ABCA8: variants seen among roughly 807,000 people sequenced by gnomAD.
ABCA8 encodes ATP binding cassette subfamily A member 8.
In ABCA8, 177 loss-of-function variants were observed where a neutral mutation model predicts 192.3. The observed-to-expected ratio is 0.92, with a 90% confidence interval of 0.81 to 1.04. The LOEUF (loss-of-function observed/expected upper bound fraction) is 1.04, where lower values mean the gene tolerates loss of function less well. Ranked by LOEUF, ABCA8 falls within the 50% of genes least tolerant of loss-of-function variation. The pLI is 0.00. For synonymous variants in ABCA8, 642 were observed against 690.2 expected (o/e 0.93, Z 1.09); for missense variants, 1,915 against 1,904.8 (o/e 1.01, Z -0.10).
At position 68,896,782 on chromosome 17, in the gene ABCA8, A is replaced by G. The variant is rs145441729; in HGVS notation, c.2765-1769T>C. On this transcript the variant is annotated intron_variant, in intron 21 of 39. Transcript: ENST00000586539. ...TTAAGTGGAAAGGTGAAAGTTATTG[A>G]CTTAATAAGGAAACAATAAAAAAAT... Among the ~76,000 whole-genome samples, 345 of 152,300 alleles carry G rather than the reference A, an allele frequency of 2.3e-3. 1 individual carries two copies. Among genetic ancestry groups the G allele is most frequent in the African/African-American group, 8.1e-3 (337 of 41,564 alleles).
intron 2 of ABCA8, 82 bp downstream of exon 2, chr17:68,949,230 C>CG (rs1170738107): frequency 1.3e-5 from 2 of 152,094 alleles, no homozygotes; most frequent in Non-Finnish European, 2.9e-5. Flanking sequence ...ATACACCCTC[C>CG]TAAGACTAAA....
chr17:68,931,497 A>C (rs1008129542), intron 7 of ABCA8, among the ~76,000 whole-genome samples: 4 of 152,072 alleles, frequency 2.6e-5, no homozygotes, highest in African/African-American at 9.7e-5. Flanking sequence ...GTTTTCTCAA[A>C]GTTTTTTTAT....
chr17:68,885,373 G>A lies in ABCA8; in HGVS notation c.3430-58C>T, dbSNP rs543837806. ...TGAATTTCAATGTAAGTTCCAAATCGAGATGGCTCATCTTGAAGATATTAC... is the reference window on the plus strand; with the variant it reads ...TGAATTTCAATGTAAGTTCCAAATCAAGATGGCTCATCTTGAAGATATTAC... On this transcript the variant is annotated intron_variant, in intron 26 of 39. Transcript: ENST00000586539. 295 of 1,507,970 alleles carry A rather than the reference G, an allele frequency of 2.0e-4. 3 individuals are homozygous for A. In the South Asian group the frequency reaches 3.4e-3, roughly 18 times the overall value. The allele number at this position is 1,507,970 out of a possible 1,614,324, so 93.4% of individuals were successfully genotyped here.
intron 5 of ABCA8, among the ~76,000 whole-genome samples, chr17:68,935,012 A>G (rs891166253): frequency 6.7e-6 from 1 of 148,534 alleles, no homozygotes; most frequent in African/African-American, 2.5e-5. Context: ...TTTCCTATTT[A>G]TTCAAAGTAA....
intron 22 of ABCA8, 27 bp downstream of exon 22, chr17:68,894,852 TC>T: frequency 6.3e-7 from 1 of 1,593,574 alleles, no homozygotes; most frequent in South Asian, 1.2e-5. Context: ...TTCACATTTT[TC>T]AGAAAGATTA....
In ABCA8 at chr17:68,917,447, C is replaced by G; in HGVS notation, c.2052G>C (p.Arg684Ser). 1 of 1,605,164 alleles carries G rather than the reference C, an allele frequency of 6.2e-7. No homozygotes were observed. Among genetic ancestry groups the G allele is most frequent in the South Asian group, 1.1e-5 (1 of 89,034 alleles). The part of the protein sequence containing the change: ...FMDEADILAD[R>S]KVFLSQGKLK... ...GCTTCCCTTGGGAGAGAAATACTTTCCTGTCTGAAAAAGAAGAAGAGCAAA... is the reference window on the plus strand; with the variant it reads ...GCTTCCCTTGGGAGAGAAATACTTTGCTGTCTGAAAAAGAAGAAGAGCAAA... Residue 684 changes from arginine to serine, a missense_variant, in exon 17 of 40, where the codon AGG becomes AGC. By Grantham distance (110) the Arg-to-Ser change is moderately radical. Transcript: ENST00000586539.
Position 68,936,954 on chromosome 17 carries a change from T to C in ABCA8, c.463A>G (p.Thr155Ala). Residue 155 changes from threonine to alanine, a missense_variant, in exon 5 of 40, where the codon ACA becomes GCA. Transcript: ENST00000586539. ...MPAKKEHKDH[T>A]AHCYETNEDV... The stretch of plus-strand genomic sequence containing the variant: ...AATTTTAGAGCCATAAAATTACCTG[T>C]ATGGTCCTTGTGCTCCTTCTTTGCT... 6.3e-7 allele frequency: 1 copy of C among 1,587,860 alleles called. No individual in the cohort carries two copies.
At chr17:68,922,628 C>A (rs2067577178) in intron 11 of ABCA8, among the ~76,000 whole-genome samples, 1 of 152,072 alleles carries the variant, frequency 6.6e-6, no homozygotes, top group African/African-American at 2.4e-5. Context: ...GCTAAGAAAG[C>A]AAGGCCAAGA....
At position 68,928,971 on chromosome 17, in the gene ABCA8, A is replaced by G. The variant is rs933114741; in HGVS notation, c.1125+78T>C. On this transcript the variant is annotated intron_variant, in intron 9 of 39. Coordinates refer to ENST00000586539, the MANE Select transcript of ABCA8 (RefSeq NM_001288985.2). ...TTAAGCCTTACAATGCTGAGTTTGT[A>G]AATGATTACAGCCTATGGATTCCAG... 5.8e-6 allele frequency: 7 copies of G among 1,203,496 alleles called. No homozygotes were observed. The African/African-American group carries it at 7.8e-5, about 13-fold the overall frequency. The allele number at this position is 1,203,496 out of a possible 1,614,324, so 74.6% of individuals were successfully genotyped here.
At chr17:68,886,138 G>A (rs933122277) in intron 26 of ABCA8, among the ~76,000 whole-genome samples, 1 of 152,164 alleles carries the variant, frequency 6.6e-6, no homozygotes, top group Non-Finnish European at 1.5e-5. Context: ...AAAAGTTGTT[G>A]TACTTCTAAT....
chr17:68,911,892 G>C lies in ABCA8; in HGVS notation c.2139-4013C>G, dbSNP rs182950327. ...CAAGAATCACCATGTTACTGGATTTGAGGGTGCCCCCTAGTGCTGATACAG... is the reference window on the plus strand; with the variant it reads ...CAAGAATCACCATGTTACTGGATTTCAGGGTGCCCCCTAGTGCTGATACAG... On this transcript the variant is annotated intron_variant, in intron 17 of 39. Transcript: ENST00000586539. The surrounding 1 kb of genome is among the most constrained non-coding windows in gnomAD (Gnocchi z 5.7). 2.3e-3 allele frequency among the ~76,000 whole-genome samples: 348 copies of C among 152,334 alleles called. 2 individuals are homozygous for C. Among genetic ancestry groups the C allele is most frequent in the Middle Eastern group, 0.02 (6 of 294 alleles).
intron 13 of ABCA8, chr17:68,919,954 G>A (rs575893929): frequency 1.3e-5 from 2 of 152,748 alleles, no homozygotes; most frequent in East Asian, 3.9e-4. Context: ...AAACTGCCCA[G>A]TCAACCCACA....
intron 37 of ABCA8, among the ~76,000 whole-genome samples, chr17:68,874,269 A>T (rs944081930): frequency 2.0e-5 from 3 of 152,202 alleles, no homozygotes; most frequent in Non-Finnish European, 4.4e-5. Context: ...AGAAATCTAG[A>T]TATATTTCCC....
chr17:68,887,485 G>A lies in ABCA8; in HGVS notation c.3166C>T (p.Arg1056Trp), dbSNP rs1378226132. 1.9e-6 allele frequency: 3 copies of A among 1,611,550 alleles called. No individual in the cohort carries two copies. The highest frequency in any genetic ancestry group is 2.2e-5 in the East Asian group (1 of 44,848). ...DYKNRARSQL[R>W]ISGLSPSAYW... Reference sequence around the variant, plus strand: ...GCAGAAGGGGAGAGTCCGGAAATCCGTAGCTGGGACCGAGCTCTGTTCTAA... The same window carrying A: ...GCAGAAGGGGAGAGTCCGGAAATCCATAGCTGGGACCGAGCTCTGTTCTAA... Residue 1056 changes from arginine to tryptophan, a missense_variant, in exon 25 of 40, where the codon CGG becomes TGG. Arg to Trp is a moderately radical substitution (Grantham distance 101). Transcript: ENST00000586539.
intron 2 of ABCA8, chr17:68,944,595 T>TC (rs1567886562): frequency 6.6e-6 from 1 of 151,104 alleles, no homozygotes; most frequent in Non-Finnish European, 1.5e-5. Flanking sequence ...AACCACCCCT[T>TC]CCCCCAACCT....
chr17:68,920,266 A>G (rs1444802550), intron 13 of ABCA8, among the ~76,000 whole-genome samples: 2 of 152,120 alleles, frequency 1.3e-5, no homozygotes, highest in African/African-American at 4.8e-5. Flanking sequence ...GGAGGGTTGC[A>G]GGAGGGAGAG....
At position 68,902,966 on chromosome 17, in the gene ABCA8, G is replaced by T. The variant is rs927203645; in HGVS notation, c.2598-87C>A. The T allele has an allele frequency of 1.2e-5, 14 of 1,179,946 alleles. No homozygotes were observed. In the African/African-American group the frequency reaches 1.4e-4, roughly 12 times the overall value. 73.1% of individuals were successfully genotyped at this position (1,179,946 alleles called of 1,614,324 possible). ...GCAGTTTATAATGTAATGGGATAAA[G>T]AAATTATAAAAATTAAACACAATTA... On this transcript the variant is annotated intron_variant, in intron 20 of 39. Coordinates refer to ENST00000586539, the MANE Select transcript of ABCA8 (RefSeq NM_001288985.2).
At chr17:68,936,629 T>G (rs1243447085) in intron 5 of ABCA8, among the ~76,000 whole-genome samples, 1 of 152,138 alleles carries the variant, frequency 6.6e-6, no homozygotes, top group Non-Finnish European at 1.5e-5. Context: ...AAATTTGTTC[T>G]ATCTTATCCA....
chr17:68,900,603 T>C (rs2066882880), intron 21 of ABCA8, among the ~76,000 whole-genome samples: 1 of 148,788 alleles, frequency 6.7e-6, no homozygotes, highest in Non-Finnish European at 1.5e-5. Flanking sequence ...GCAGCAAGTA[T>C]TACCCTGATA....
Sources: gnomAD v4.1 joint callset for allele counts (sites outside exome capture counted in the v4.1 genomes callset) on GRCh38, gnomAD v4.1.1 for gene constraint, Gnocchi (gnomAD v3.1) non-coding constraint, MANE v1.5 for transcripts, NCBI Gene and HGNC (gene_info 2026-07-23, HGNC 2026-07-21) for gene names.